ITGB8: variants seen among roughly 807,000 people sequenced by gnomAD.
The protein encoded by ITGB8 is integrin subunit beta 8, also known as integrin beta-8.
ITGB8 carries 30 observed loss-of-function variants against 89.5 expected under a neutral mutation model. The ratio of observed to expected loss-of-function variants is 0.34; its 90% CI spans 0.25 to 0.45. The LOEUF (loss-of-function observed/expected upper bound fraction) is 0.45. ITGB8 is among the 20% of genes least tolerant of loss of function. ITGB8 has a pLI of 1.00. For synonymous variants in ITGB8, 335 were observed against 320.4 expected, an observed-to-expected ratio of 1.05 and a Z score of -0.49; for missense variants, 836 against 933.3, an observed-to-expected ratio of 0.90 and a Z score of 1.36.
At chr7:20,386,686 T>C (rs1009805981) in intron 6 of ITGB8, among the ~76,000 whole-genome samples, 2 of 152,092 alleles carry the variant, frequency 1.3e-5, no homozygotes, top group African/African-American at 4.8e-5. Flanking sequence ...GAAAGCAAAA[T>C]TGCATGTAGA....
chr7:20,341,442 G>A (rs139348726), intron 1 of ITGB8, among the ~76,000 whole-genome samples: 2 of 152,264 alleles, frequency 1.3e-5, no homozygotes, highest in Non-Finnish European at 2.9e-5. Flanking sequence ...TAAAGTGAGG[G>A]CCAACGTATA....
intron 1 of ITGB8, among the ~76,000 whole-genome samples, chr7:20,340,750 C>G (rs2128127132): frequency 6.6e-6 from 1 of 151,986 alleles, no homozygotes. Context: ...GTTACAGGTA[C>G]TAGGTAGGGA....
chr7:20,408,631 T>G (rs1214961257), intron 12 of ITGB8, among the ~76,000 whole-genome samples: 1 of 152,164 alleles, frequency 6.6e-6, no homozygotes, highest in Non-Finnish European at 1.5e-5. Flanking sequence ...GGGGAACACA[T>G]GCCACTTTAG....
rs1272342470 is a variant in ITGB8, at chr7:20,413,539, T to G, written c.*3542T>G. ...TTTTTCTTCCTTTTCTTACTCCTGT[T>G]TTTTCCACTCACTCTTCCCAAGAGA... On this transcript the variant is annotated 3_prime_UTR_variant, in exon 14 of 14. Transcript: ENST00000222573. The G allele has an allele frequency of 6.6e-6, 1 of 152,406 alleles. No individual in the cohort carries two copies. The highest frequency in any genetic ancestry group is 1.9e-4 in the East Asian group (1 of 5,200). 9.4% of individuals were successfully genotyped at this position (152,406 alleles called of 1,614,324 possible). A position where few individuals can be genotyped will look rare whatever the true frequency, so the allele number is the denominator to read the frequency against.
chr7:20,337,080 C>A (rs1784600763), intron 1 of ITGB8, among the ~76,000 whole-genome samples: 1 of 152,200 alleles, frequency 6.6e-6, no homozygotes. Context: ...AAAGCTGAGA[C>A]TTAGTACTCT....
intron 1 of ITGB8, among the ~76,000 whole-genome samples, chr7:20,336,511 C>T (rs997423628): frequency 6.6e-6 from 1 of 152,116 alleles, no homozygotes; most frequent in African/African-American, 2.4e-5. Context: ...GTTTTTGAAA[C>T]AAATAAACAG....
At position 20,331,506 on chromosome 7, in the gene ITGB8, C is replaced by G. The variant is rs755790123; in HGVS notation, c.-301C>G. On this transcript the variant is annotated 5_prime_UTR_variant, in exon 1 of 14. Transcript: ENST00000222573. ...TTTGTCCCGGAGCAGGCTGCGGAGC[C>G]CTTGCAGAGCCCTCTCTCCAGTCGC... is the stretch of plus-strand genomic sequence containing the variant. 2.3e-6 allele frequency: 1 copy of G among 426,390 alleles called. No individual in the cohort carries two copies. The highest frequency in any genetic ancestry group is 4.1e-6 in the Non-Finnish European group (1 of 244,954). 26.4% of individuals were successfully genotyped at this position (426,390 alleles called of 1,614,324 possible).
chr7:20,347,140 T>C (rs760221159), intron 1 of ITGB8, among the ~76,000 whole-genome samples: 25 of 152,214 alleles, frequency 1.6e-4, no homozygotes, highest in South Asian at 4.1e-4. Context: ...GTTGCTGCCT[T>C]TGTCTTGGAC....
chr7:20,402,236 T>C, intron 10 of ITGB8, 110 bp downstream of exon 10: 3 of 995,252 alleles, frequency 3.0e-6, no homozygotes, highest in Non-Finnish European at 4.3e-6. Flanking sequence ...GAATCTGAAT[T>C]TGTTATTCAA....
At chr7:20,347,382 A>G (rs1461604889) in intron 1 of ITGB8, among the ~76,000 whole-genome samples, 1 of 152,164 alleles carries the variant, frequency 6.6e-6, no homozygotes, top group Non-Finnish European at 1.5e-5. Flanking sequence ...TTAGTGGTAA[A>G]TGGTGTTTGT....
At chr7:20,346,320 G>C (rs2128129579) in intron 1 of ITGB8, among the ~76,000 whole-genome samples, 1 of 152,286 alleles carries the variant, frequency 6.6e-6, no homozygotes, top group East Asian at 1.9e-4. Context: ...TTCTGGAAAT[G>C]GACTATGAAT....
intron 7 of ITGB8, among the ~76,000 whole-genome samples, chr7:20,392,749 T>C (rs987260994): frequency 3.9e-5 from 6 of 152,198 alleles, no homozygotes; most frequent in Admixed American, 3.9e-4. Flanking sequence ...AGCTCCCACT[T>C]ATGGGTGAGA....
At position 20,381,980 on chromosome 7, in the gene ITGB8, C is replaced by A. The variant is rs977655181; in HGVS notation, c.960+95C>A. On this transcript the variant is annotated intron_variant, in intron 6 of 13. Coordinates refer to ENST00000222573, the MANE Select transcript of ITGB8 (RefSeq NM_002214.3). ...AACTATTTTTGTACCAGGAAATTAC[C>A]TACAAAAGAAAGATACAGAACAAGG... is the stretch of plus-strand genomic sequence containing the variant. 30 of 1,036,776 alleles carry A rather than the reference C, an allele frequency of 2.9e-5. No individual in the cohort carries two copies. The African/African-American group carries it at 4.0e-4, about 14-fold the overall frequency. 64.2% of individuals were successfully genotyped at this position (1,036,776 alleles called of 1,614,324 possible). A position where few individuals can be genotyped will look rare whatever the true frequency, so the allele number is the denominator to read the frequency against.
At chr7:20,381,976 T>C (rs1328877070) in intron 6 of ITGB8, 91 bp downstream of exon 6, 7 of 1,077,644 alleles carry the variant, frequency 6.5e-6, no homozygotes, top group Non-Finnish European at 9.4e-6. Context: ...TACCAGGAAA[T>C]TACCTACAAA....
chr7:20,409,439 GA>G (rs1787677807), intron 12 of ITGB8, among the ~76,000 whole-genome samples, 175 bp from the exon 13 acceptor site: 1 of 152,296 alleles, frequency 6.6e-6, no homozygotes, highest in South Asian at 2.1e-4. Context: ...AAACGCGCAA[GA>G]AAAATTAGAG....
At chr7:20,380,008 G>T (rs1007027565) in intron 4 of ITGB8, 7 of 152,044 alleles carry the variant, frequency 4.6e-5, no homozygotes, top group Non-Finnish European at 1.0e-4. Context: ...TATCTTTCTT[G>T]CTTCTACAAA....
chr7:20,391,176 C>G (rs1786838474), intron 6 of ITGB8, among the ~76,000 whole-genome samples: 1 of 152,084 alleles, frequency 6.6e-6, no homozygotes, highest in African/African-American at 2.4e-5. Context: ...GAATTCAGCT[C>G]TCTTCATCTT....
chr7:20,342,613 A>G (rs1215583104), intron 1 of ITGB8, among the ~76,000 whole-genome samples: 2 of 152,266 alleles, frequency 1.3e-5, no homozygotes, highest in East Asian at 3.9e-4. Flanking sequence ...GAAATTACAG[A>G]ATCTGAGAGG....
chr7:20,400,644 A>G (rs575734240), intron 9 of ITGB8, among the ~76,000 whole-genome samples: 2 of 152,350 alleles, frequency 1.3e-5, no homozygotes, highest in African/African-American at 4.8e-5. Flanking sequence ...CAACAAATAT[A>G]AATAGACATA....
Sources: gnomAD v4.1 joint callset for allele counts (sites outside exome capture counted in the v4.1 genomes callset) on GRCh38, gnomAD v4.1.1 for gene constraint, MANE v1.5 for transcripts, NCBI Gene and HGNC (gene_info 2026-07-23, HGNC 2026-07-21) for gene names.